Variants in KCNJ6 observed in about 807,000 individuals in gnomAD.
KCNJ6 encodes the protein G protein-activated inward rectifier potassium channel 2.
In KCNJ6, 9 loss-of-function variants were observed where a neutral mutation model predicts 34.2. The ratio of observed to expected loss-of-function variants is 0.26; its 90% CI spans 0.16 to 0.46. The LOEUF (loss-of-function observed/expected upper bound fraction) is 0.46, where lower values mean the gene tolerates loss of function less well. Ranked by LOEUF, KCNJ6 falls within the 20% of genes least tolerant of loss-of-function variation. The pLI is 1.00. For missense variants in KCNJ6, 236 were observed against 531.3 expected, an observed-to-expected ratio of 0.44 and a Z score of 5.46; for synonymous variants, 196 against 207.1, an observed-to-expected ratio of 0.95 and a Z score of 0.46.
chr21:37,851,459 T>C (rs1417759012), intron 1 of KCNJ6, among the ~76,000 whole-genome samples: 1 of 152,246 alleles, frequency 6.6e-6, no homozygotes, highest in Non-Finnish European at 1.5e-5. Flanking sequence ...TGACATTTAC[T>C]GGGGCTGGAG....
chr21:37,801,602 C>G (rs961640467), intron 2 of KCNJ6, among the ~76,000 whole-genome samples: 1 of 152,170 alleles, frequency 6.6e-6, no homozygotes, highest in South Asian at 2.1e-4. Flanking sequence ...AATATGTCTC[C>G]CTGACTCAGC....
At chr21:37,866,848 T>C (rs1476099563) in intron 1 of KCNJ6, among the ~76,000 whole-genome samples, 1 of 152,226 alleles carries the variant, frequency 6.6e-6, no homozygotes, top group Non-Finnish European at 1.5e-5. Flanking sequence ...TGAAGATTAC[T>C]GGATGTCTTC....
intron 2 of KCNJ6, among the ~76,000 whole-genome samples, chr21:37,826,827 G>A (rs1186099207): frequency 6.6e-6 from 1 of 152,052 alleles, no homozygotes; most frequent in African/African-American, 2.4e-5. Context: ...TAAAGCCAAG[G>A]AAACAGGGTG....
At chr21:37,760,592 C>A (rs533321263) in intron 2 of KCNJ6, among the ~76,000 whole-genome samples, 25 of 152,346 alleles carry the variant, frequency 1.6e-4, no homozygotes, top group African/African-American at 5.5e-4. Context: ...CAGAGTCCTG[C>A]CTGACCACCA....
chr21:37,753,634 C>T (rs545704598), intron 2 of KCNJ6, among the ~76,000 whole-genome samples: 4 of 152,236 alleles, frequency 2.6e-5, no homozygotes, highest in South Asian at 2.1e-4. Context: ...CACTTGGAAT[C>T]GAAAAGGTTA....
At chr21:37,782,840 G>A (rs750442956) in intron 2 of KCNJ6, among the ~76,000 whole-genome samples, 9 of 152,140 alleles carry the variant, frequency 5.9e-5, no homozygotes, top group Non-Finnish European at 1.3e-4. Flanking sequence ...TTGTCTTGGT[G>A]TAAATATTAA....
At chr21:37,878,021 C>T (rs1418844036) in intron 1 of KCNJ6, among the ~76,000 whole-genome samples, 3 of 152,208 alleles carry the variant, frequency 2.0e-5, no homozygotes, top group Non-Finnish European at 4.4e-5. Context: ...TCTGAGAGTA[C>T]ACTCCATAGG....
intron 3 of KCNJ6, among the ~76,000 whole-genome samples, chr21:37,648,783 T>C (rs1423272244): frequency 1.3e-5 from 2 of 152,184 alleles, no homozygotes; most frequent in Non-Finnish European, 2.9e-5. Context: ...CTCATTACTT[T>C]GGGTTTTTAA....
chr21:37,698,218 A>G (rs545519390), intron 3 of KCNJ6, among the ~76,000 whole-genome samples: 1 of 152,338 alleles, frequency 6.6e-6, no homozygotes, highest in South Asian at 2.1e-4. Flanking sequence ...TTTCTCATCC[A>G]GGGAGAATGC....
chr21:37,849,025 G>T (rs1044427835), intron 1 of KCNJ6, among the ~76,000 whole-genome samples: 4 of 152,192 alleles, frequency 2.6e-5, no homozygotes, highest in Admixed American at 6.5e-5. Context: ...TATAGGACAA[G>T]CATTATCACC....
In KCNJ6 at chr21:37,617,034, TTC is replaced by T. The variant is rs1400687239; in HGVS notation, c.*8123_*8124del. ...TCTCTTTCTTTCTTTCTTTCTTTCT[TTC>T]TTTCTTTCTTTCTTTCTTTTCTTTT... is the stretch of plus-strand genomic sequence containing the variant. On this transcript the variant is annotated 3_prime_UTR_variant, in exon 4 of 4. Transcript: ENST00000609713. 2 of 11,976 alleles carry T rather than the reference TTC, an allele frequency of 1.7e-4. No individual in the cohort carries two copies. Among genetic ancestry groups the T allele is most frequent in the Non-Finnish European group, 3.4e-4 (2 of 5,882 alleles). The allele number at this position is 11,976 out of a possible 1,614,324, so 0.7% of individuals were successfully genotyped here.
At chr21:37,763,553 C>T (rs78149271) in intron 2 of KCNJ6, among the ~76,000 whole-genome samples, 4,233 of 152,258 alleles carry the variant, frequency 0.028, 124 homozygotes, top group African/African-American at 0.073. Flanking sequence ...AGTGGGATTA[C>T]TGAGTGACAG....
At chr21:37,677,802 A>ATCCATCCACCCCCCCC (rs2054573306) in intron 3 of KCNJ6, among the ~76,000 whole-genome samples, 1 of 140,142 alleles carries the variant, frequency 7.1e-6, no homozygotes, top group Non-Finnish European at 1.5e-5. Context: ...CCACCTATCC[A>ATCCATCCACCCCCCCC]CCCACCCATC....
chr21:37,677,528 T>A (rs2054570058), intron 3 of KCNJ6, among the ~76,000 whole-genome samples: 1 of 152,144 alleles, frequency 6.6e-6, no homozygotes, highest in Non-Finnish European at 1.5e-5. Flanking sequence ...CCCTTTTTGT[T>A]GTTGTTTGTA....
intron 1 of KCNJ6, among the ~76,000 whole-genome samples, chr21:37,900,972 A>G (rs1360201505): frequency 6.6e-6 from 1 of 152,078 alleles, no homozygotes; most frequent in Non-Finnish European, 1.5e-5. Flanking sequence ...AAACCCTCCT[A>G]TTTACAGTCT....
intron 2 of KCNJ6, among the ~76,000 whole-genome samples, chr21:37,823,463 T>A (rs944196650): frequency 5.3e-5 from 8 of 152,094 alleles, no homozygotes. Context: ...ATCTCCATAA[T>A]CCCCACATGT....
chr21:37,753,253 C>T (rs996819950), intron 2 of KCNJ6, among the ~76,000 whole-genome samples: 1 of 152,226 alleles, frequency 6.6e-6, no homozygotes, highest in African/African-American at 2.4e-5. Flanking sequence ...GTCAAACAAC[C>T]CGAGTGAGTG....
At chr21:37,895,719 G>A (rs986905766) in intron 1 of KCNJ6, among the ~76,000 whole-genome samples, 6 of 152,172 alleles carry the variant, frequency 3.9e-5, no homozygotes, top group African/African-American at 1.4e-4. Context: ...AATCAGGGAG[G>A]CTGTGTGATG....
At chr21:37,653,155 C>CAAA (rs2054441554) in intron 3 of KCNJ6, among the ~76,000 whole-genome samples, 1 of 151,880 alleles carries the variant, frequency 6.6e-6, no homozygotes, top group African/African-American at 2.4e-5. Context: ...TCCAGTGATG[C>CAAA]AACAACAACA....
Sources: gnomAD v4.1 joint callset for allele counts (sites outside exome capture counted in the v4.1 genomes callset) on GRCh38, gnomAD v4.1.1 for gene constraint, MANE v1.5 for transcripts, NCBI Gene and HGNC (gene_info 2026-07-23, HGNC 2026-07-21) for gene names.